PSMD14: variants seen among roughly 807,000 people sequenced by gnomAD.
PSMD14 encodes proteasome 26S subunit, non-ATPase 14, also known as ubiquitin C-terminal hydrolase PSMD14.
PSMD14 carries 7 observed loss-of-function variants against 41.2 expected under a neutral mutation model. The observed-to-expected ratio is 0.17, with a 90% CI of 0.10 to 0.32. The LOEUF is 0.32. Ranked by LOEUF, PSMD14 falls within the 10% of genes least tolerant of loss-of-function variation. The pLI is 1.00. For synonymous variants in PSMD14, 114 were observed against 122.3 expected, an observed-to-expected ratio of 0.93 and a Z score of 0.45; for missense variants, 139 against 375.6, an observed-to-expected ratio of 0.37 and a Z score of 5.21.
rs1270291745 is a variant in PSMD14, at chr2:161,391,090, A to G, written c.571-14A>G. 35 of 1,459,452 alleles carry G rather than the reference A, an allele frequency of 2.4e-5. No homozygotes were observed. In the East Asian group the frequency reaches 8.3e-4, roughly 35 times the overall value. The allele number at this position is 1,459,452 out of a possible 1,614,324, so 90.4% of individuals were successfully genotyped here. A position where few individuals can be genotyped will look rare whatever the true frequency, so the allele number is the denominator to read the frequency against. Reference sequence around the variant, plus strand: ...ATATTAATTTGTCCTTTTTAAAATCATTTATCTATATAGGCATTAATTCAT... The same window carrying G: ...ATATTAATTTGTCCTTTTTAAAATCGTTTATCTATATAGGCATTAATTCAT... On this transcript the variant is annotated splice_polypyrimidine_tract_variant and intron_variant, in intron 8 of 11. Coordinates refer to ENST00000409682, the MANE Select transcript of PSMD14 (RefSeq NM_005805.6).
At chr2:161,349,049 A>C (rs1397108316) in intron 3 of PSMD14, among the ~76,000 whole-genome samples, 1 of 152,164 alleles carries the variant, frequency 6.6e-6, no homozygotes, top group Non-Finnish European at 1.5e-5. Flanking sequence ...AAGACAGATC[A>C]GCTTTCTAGG....
chr2:161,377,060 A>G (rs1445080600), intron 7 of PSMD14, among the ~76,000 whole-genome samples: 1 of 151,942 alleles, frequency 6.6e-6, no homozygotes, highest in African/African-American at 2.4e-5. Context: ...TCCTTGATCA[A>G]TTTGAACCCT....
chr2:161,344,222 A>G (rs1009782671), intron 3 of PSMD14, among the ~76,000 whole-genome samples: 4 of 152,120 alleles, frequency 2.6e-5, no homozygotes, highest in Non-Finnish European at 5.9e-5. Flanking sequence ...TGTCTTACTT[A>G]GTTGGGGGTG....
At chr2:161,313,919 T>A (rs1291437972) in intron 1 of PSMD14, among the ~76,000 whole-genome samples, 1 of 152,218 alleles carries the variant, frequency 6.6e-6, no homozygotes, top group Non-Finnish European at 1.5e-5. Context: ...ATTCTAACTT[T>A]CTGGTGTACA....
intron 5 of PSMD14, among the ~76,000 whole-genome samples, chr2:161,369,384 A>G (rs1466327241): frequency 1.3e-5 from 2 of 152,040 alleles, no homozygotes; most frequent in Non-Finnish European, 2.9e-5. Flanking sequence ...TTTAAAGTAT[A>G]TATATGAAAA....
chr2:161,312,356 C>G (rs1032556549), intron 1 of PSMD14, among the ~76,000 whole-genome samples: 6 of 152,102 alleles, frequency 3.9e-5, no homozygotes, highest in African/African-American at 1.4e-4. Context: ...GTTGGCCAGG[C>G]TGGTCTTGAA....
At chr2:161,393,643 G>T (rs1683746763) in intron 9 of PSMD14, among the ~76,000 whole-genome samples, 1 of 152,054 alleles carries the variant, frequency 6.6e-6, no homozygotes, top group Non-Finnish European at 1.5e-5. Context: ...ATGGCTCAGG[G>T]ATCTCATTTA....
intron 10 of PSMD14, 123 bp from the exon 11 acceptor site, chr2:161,408,714 T>C (rs749383395): frequency 3.0e-6 from 2 of 673,576 alleles, no homozygotes; most frequent in Non-Finnish European, 5.1e-6. Flanking sequence ...ATTTGTTCAG[T>C]AAATTATTTG....
At chr2:161,315,922 C>G (rs1219850603) in intron 1 of PSMD14, among the ~76,000 whole-genome samples, 1 of 147,200 alleles carries the variant, frequency 6.8e-6, no homozygotes, top group Admixed American at 6.9e-5. Context: ...CGGCTCATTG[C>G]AATCCACCTC....
intron 7 of PSMD14, among the ~76,000 whole-genome samples, chr2:161,373,589 C>T (rs1329688658): frequency 1.3e-5 from 2 of 151,794 alleles, no homozygotes; most frequent in Non-Finnish European, 2.9e-5. Context: ...GTATAAGAGT[C>T]TCCCTCTCCC....
At chr2:161,410,737 C>A (rs936626362) in intron 11 of PSMD14, among the ~76,000 whole-genome samples, 3 of 152,022 alleles carry the variant, frequency 2.0e-5, no homozygotes, top group South Asian at 2.1e-4. Context: ...TATTTAAATT[C>A]TTCAACTACA....
chr2:161,338,696 G>A (rs1435230520), intron 3 of PSMD14, among the ~76,000 whole-genome samples: 2 of 152,092 alleles, frequency 1.3e-5, no homozygotes, highest in Non-Finnish European at 2.9e-5. Flanking sequence ...TATTTAAAGT[G>A]TATAATTTGT....
At chr2:161,364,925 G>A (rs6725325) in intron 3 of PSMD14, among the ~76,000 whole-genome samples, 156 of 152,152 alleles carry the variant, frequency 1.0e-3, no homozygotes, top group African/African-American at 3.6e-3. Flanking sequence ...GCAACACAGG[G>A]AAACCCCATC....
intron 3 of PSMD14, among the ~76,000 whole-genome samples, chr2:161,364,228 C>T (rs890313450): frequency 1.3e-5 from 2 of 152,130 alleles, no homozygotes; most frequent in Admixed American, 6.5e-5. Flanking sequence ...CACGTCCAGC[C>T]GTTTGTGTGT....
chr2:161,313,708 A>G (rs910962228), intron 1 of PSMD14, among the ~76,000 whole-genome samples: 6 of 152,198 alleles, frequency 3.9e-5, no homozygotes, highest in Admixed American at 3.9e-4. Context: ...ATCTTCATAT[A>G]TCATCCTTTG....
chr2:161,349,617 A>G (rs1374647307), intron 3 of PSMD14, among the ~76,000 whole-genome samples: 4 of 152,178 alleles, frequency 2.6e-5, no homozygotes, highest in African/African-American at 9.7e-5. Context: ...CCTAGATCCT[A>G]TGTGAAGTTA....
Position 161,375,275 on chromosome 2 carries a change from T to C in PSMD14, c.462+3953T>C, listed in dbSNP as rs538670285. ...GAGCAAGATCTTATTCTGCCAATTA[T>C]ATACTGATAACCTACATTGCATACT... is the stretch of plus-strand genomic sequence containing the variant. On this transcript the variant is annotated intron_variant, in intron 7 of 11. Coordinates refer to ENST00000409682, the MANE Select transcript of PSMD14 (RefSeq NM_005805.6). 5.3e-4 allele frequency among the ~76,000 whole-genome samples: 80 copies of C among 152,162 alleles called. 1 individual carries two copies. Among genetic ancestry groups the C allele is most frequent in the African/African-American group, 1.9e-3 (78 of 41,560 alleles).
At chr2:161,389,576 A>G (rs1436995093) in intron 8 of PSMD14, among the ~76,000 whole-genome samples, 1 of 152,158 alleles carries the variant, frequency 6.6e-6, no homozygotes, top group African/African-American at 2.4e-5. Context: ...GGAATTTCAT[A>G]GCTCACTTTT....
At chr2:161,370,448 A>G (rs1264782061) in intron 6 of PSMD14, among the ~76,000 whole-genome samples, 1 of 152,046 alleles carries the variant, frequency 6.6e-6, no homozygotes, top group Admixed American at 6.6e-5. Context: ...TGTTTAGCAT[A>G]TGGAGTTACT....
Sources: gnomAD v4.1 joint callset for allele counts (sites outside exome capture counted in the v4.1 genomes callset) on GRCh38, gnomAD v4.1.1 for gene constraint, MANE v1.5 for transcripts, NCBI Gene and HGNC (gene_info 2026-07-23, HGNC 2026-07-21) for gene names.